The following PDE1C variants were observed in gnomAD, a reference collection of about 807,000 sequenced individuals.
PDE1C encodes the protein phosphodiesterase 1C, also known as dual specificity calcium/calmodulin-dependent 3',5'-cyclic nucleotide phosphodiesterase 1C.
In PDE1C, 62 loss-of-function variants were observed where a neutral mutation model predicts 93.1. The observed-to-expected ratio is 0.67, with a 90% confidence interval of 0.54 to 0.82. PDE1C has a LOEUF of 0.82. Ranked by LOEUF, PDE1C falls within the 40% of genes least tolerant of loss-of-function variation. The probability of loss-of-function intolerance (pLI) is 0.00; values close to 1 mark genes in which losing one functional copy is unlikely to be tolerated. For missense variants in PDE1C, 742 were observed against 884.6 expected (o/e 0.84, Z 2.04); for synonymous variants, 325 against 310.1 (o/e 1.05, Z -0.50).
At chr7:32,040,259 C>T (rs1791636895) in intron 2 of PDE1C, among the ~76,000 whole-genome samples, 1 of 152,158 alleles carries the variant, frequency 6.6e-6, no homozygotes. Context: ...ACAACAAACC[C>T]ACAAGGTAAG....
chr7:32,266,821 T>C (rs934737319), intron 1 of PDE1C, among the ~76,000 whole-genome samples: 23 of 150,280 alleles, frequency 1.5e-4, no homozygotes, highest in African/African-American at 5.7e-4. Context: ...AACAAGAGTG[T>C]CTTAGCCTCG....
At chr7:32,404,667 T>G (rs1312127363) in intron 1 of PDE1C, among the ~76,000 whole-genome samples, 4 of 152,188 alleles carry the variant, frequency 2.6e-5, no homozygotes, top group Non-Finnish European at 5.9e-5. Context: ...TATTTATGTA[T>G]TCAGTGACAG....
chr7:32,010,413 G>A (rs1396261324), intron 2 of PDE1C, among the ~76,000 whole-genome samples: 1 of 152,158 alleles, frequency 6.6e-6, no homozygotes, highest in Non-Finnish European at 1.5e-5. Context: ...TTCAACAAAT[G>A]AGGCTGAAAC....
intron 17 of PDE1C, among the ~76,000 whole-genome samples, chr7:31,760,794 A>ACACACACC (rs1554322464): frequency 5.4e-5 from 8 of 149,138 alleles, no homozygotes; most frequent in Admixed American, 2.7e-4. Flanking sequence ...ACACACACAC[A>ACACACACC]CCAAACCACA....
At chr7:32,348,397 C>T (rs559567594) in intron 1 of PDE1C, among the ~76,000 whole-genome samples, 18 of 120,714 alleles carry the variant, frequency 1.5e-4, no homozygotes, top group Middle Eastern at 7.7e-3. Flanking sequence ...TGGGGTCTCG[C>T]TCTGTCACCC....
chr7:32,065,512 C>T (rs1240032608), intron 1 of PDE1C, among the ~76,000 whole-genome samples: 1 of 152,176 alleles, frequency 6.6e-6, no homozygotes, highest in Non-Finnish European at 1.5e-5. Context: ...ATATTCATCA[C>T]CTCCAGGTAC....
At chr7:31,700,942 A>G in the PDE1C span, among the ~76,000 whole-genome samples, 240 of 152,300 alleles carry the variant, frequency 1.6e-3, 1 homozygote, top group African/African-American at 5.6e-3. Flanking sequence ...GCTCATTAAC[A>G]ATGTACCTCA....
At chr7:32,190,495 T>C (rs994359719) in intron 2 of PDE1C, among the ~76,000 whole-genome samples, 2 of 152,242 alleles carry the variant, frequency 1.3e-5, no homozygotes, top group African/African-American at 4.8e-5. Flanking sequence ...AACTTATGAC[T>C]GATAAATCAT....
intron 2 of PDE1C, among the ~76,000 whole-genome samples, chr7:31,925,721 T>C (rs570407079): frequency 1.4e-4 from 21 of 152,314 alleles, no homozygotes; most frequent in African/African-American, 5.1e-4. Context: ...GTCTAAGTCA[T>C]GAGCAGTATT....
chr7:32,343,234 A>T (rs1186692076), intron 1 of PDE1C, among the ~76,000 whole-genome samples: 5 of 152,218 alleles, frequency 3.3e-5, no homozygotes, highest in Non-Finnish European at 5.9e-5. Flanking sequence ...GGGAGGCAGG[A>T]TGTTTTCTCT....
chr7:31,619,183 G>T, the PDE1C span, among the ~76,000 whole-genome samples: 9 of 152,128 alleles, frequency 5.9e-5, no homozygotes, highest in Admixed American at 2.6e-4. Flanking sequence ...GTAAGTACAG[G>T]CAAGGTGTCC....
intron 2 of PDE1C, among the ~76,000 whole-genome samples, chr7:31,922,710 G>A (rs1237290204): frequency 6.6e-6 from 1 of 152,134 alleles, no homozygotes; most frequent in African/African-American, 2.4e-5. Flanking sequence ...TTTTACAATT[G>A]TATAAGCTGA....
chr7:32,365,682 G>GT, intron 1 of PDE1C, among the ~76,000 whole-genome samples: 1 of 152,242 alleles, frequency 6.6e-6, no homozygotes, highest in Non-Finnish European at 1.5e-5. Flanking sequence ...TAACAGATCT[G>GT]TAGCCCCGAC....
At chr7:31,705,160 A>T in the PDE1C span, among the ~76,000 whole-genome samples, 1 of 152,328 alleles carries the variant, frequency 6.6e-6, no homozygotes, top group Admixed American at 6.5e-5. Context: ...GCTGGCTGTG[A>T]TGATTTAACA....
intron 1 of PDE1C, among the ~76,000 whole-genome samples, chr7:32,348,160 G>C (rs1299936779): frequency 3.3e-5 from 5 of 152,096 alleles, no homozygotes; most frequent in Non-Finnish European, 7.4e-5. Context: ...ATGAGGGAAA[G>C]AGGACTGGGT....
intron 2 of PDE1C, among the ~76,000 whole-genome samples, chr7:31,953,084 G>C (rs1807629751): frequency 6.6e-6 from 1 of 152,146 alleles, no homozygotes; most frequent in Non-Finnish European, 1.5e-5. Flanking sequence ...TTGTTGGGTT[G>C]ATAATAATTA....
chr7:31,925,904 G>T (rs1303980143), intron 2 of PDE1C, among the ~76,000 whole-genome samples: 1 of 152,024 alleles, frequency 6.6e-6, no homozygotes, highest in East Asian at 1.9e-4. Flanking sequence ...TGTCAGCATA[G>T]TCCACTCACC....
downstream of PDE1C, among the ~76,000 whole-genome samples, chr7:31,747,260 C>A (rs1045126973): frequency 3.9e-5 from 6 of 152,162 alleles, no homozygotes; most frequent in South Asian, 2.1e-4. Context: ...TCAATTGAAC[C>A]TCCTTTCTAC....
intron 3 of PDE1C, among the ~76,000 whole-genome samples, chr7:32,114,078 C>T (rs774712132): frequency 2.0e-5 from 3 of 152,108 alleles, no homozygotes; most frequent in Non-Finnish European, 2.9e-5. Flanking sequence ...AGATTCAATG[C>T]TATTCTCATC....
Sources: gnomAD v4.1 joint callset for allele counts (sites outside exome capture counted in the v4.1 genomes callset) on GRCh38, gnomAD v4.1.1 for gene constraint, MANE v1.5 for transcripts, NCBI Gene and HGNC (gene_info 2026-07-23, HGNC 2026-07-21) for gene names.